Variants in CNDP1 observed in about 807,000 individuals in gnomAD.
CNDP1 encodes the protein beta-Ala-His dipeptidase.
CNDP1 carries 44 observed loss-of-function variants against 58.1 expected under a neutral mutation model. The ratio of observed to expected loss-of-function variants is 0.76; its 90% CI spans 0.60 to 0.97. The LOEUF (loss-of-function observed/expected upper bound fraction) is 0.97. Among genes scored for constraint, CNDP1 ranks in the 50% least tolerant of loss-of-function variants. The pLI, the probability that CNDP1 is intolerant of heterozygous loss-of-function variation, is 0.00. For synonymous variants in CNDP1, 254 were observed against 252.6 expected (o/e 1.01, Z -0.05); for missense variants, 616 against 655.1 (o/e 0.94, Z 0.65).
At chr18:74,561,970 A>G (rs1981210791) in intron 4 of CNDP1, 77 bp from the exon 5 acceptor site, 1 of 1,220,864 alleles carries the variant, frequency 8.2e-7, no homozygotes, top group African/African-American at 1.5e-5. Context: ...ATCAGTACCC[A>G]TGAAACGACA....
At chr18:74,567,837 C>A (rs1981370544) in intron 6 of CNDP1, among the ~76,000 whole-genome samples, 1 of 152,178 alleles carries the variant, frequency 6.6e-6, no homozygotes, top group African/African-American at 2.4e-5. Flanking sequence ...TGGCAGGAGA[C>A]CCCAGTGCCG....
Position 74,553,548 on chromosome 18 carries a change from C to T in CNDP1, c.25-2790C>T, listed in dbSNP as rs545738182. Among the ~76,000 whole-genome samples, 12 of 152,252 alleles carry T rather than the reference C, an allele frequency of 7.9e-5. 1 individual carries two copies. In the South Asian group the frequency reaches 1.7e-3, roughly 21 times the overall value. ...CCCCATTGAATGATCTCCGCACCCT[C>T]GATGAAAATCAGTTGATCATAAATG... On this transcript the variant is annotated intron_variant, in intron 1 of 11. Transcript: ENST00000358821.
chr18:74,542,717 G>A (rs1980656910), intron 1 of CNDP1, among the ~76,000 whole-genome samples: 1 of 152,226 alleles, frequency 6.6e-6, no homozygotes, highest in Non-Finnish European at 1.5e-5. Context: ...TTTCGCTTAT[G>A]TAGAGACAGA....
intron 1 of CNDP1, 78 bp from the exon 2 acceptor site, chr18:74,556,260 C>A: frequency 6.5e-7 from 1 of 1,526,742 alleles, no homozygotes; most frequent in Non-Finnish European, 8.9e-7. Context: ...AACAGACCTT[C>A]TTGAGGAATT....
intron 9 of CNDP1, among the ~76,000 whole-genome samples, chr18:74,579,659 G>A (rs2144578750): frequency 6.6e-6 from 1 of 152,336 alleles, no homozygotes; most frequent in South Asian, 2.1e-4. Context: ...CTCCATAGTT[G>A]AGCCTGGAGT....
At chr18:74,538,598 T>G (rs2144637042) in intron 1 of CNDP1, among the ~76,000 whole-genome samples, 1 of 152,308 alleles carries the variant, frequency 6.6e-6, no homozygotes, top group South Asian at 2.1e-4. Context: ...TGGATCAGTG[T>G]CTGAGGAACT....
chr18:74,549,174 A>G (rs1292518674), intron 1 of CNDP1, among the ~76,000 whole-genome samples: 1 of 152,224 alleles, frequency 6.6e-6, no homozygotes, highest in Non-Finnish European at 1.5e-5. Flanking sequence ...CTTTGGAAAC[A>G]ACAGACATCA....
intron 1 of CNDP1, among the ~76,000 whole-genome samples, chr18:74,551,418 A>G (rs1980907194): frequency 6.6e-6 from 1 of 151,994 alleles, no homozygotes; most frequent in Admixed American, 6.6e-5. Flanking sequence ...GCATGGAGGA[A>G]CAGGAGAAAA....
chr18:74,560,369 G>T (rs1981158228), intron 3 of CNDP1, among the ~76,000 whole-genome samples: 1 of 152,118 alleles, frequency 6.6e-6, no homozygotes, highest in Non-Finnish European at 1.5e-5. Flanking sequence ...TGTCAGTGTG[G>T]ATCTAAAGAA....
intron 2 of CNDP1, among the ~76,000 whole-genome samples, chr18:74,558,605 A>G (rs1981104740): frequency 6.6e-6 from 1 of 152,004 alleles, no homozygotes; most frequent in Admixed American, 6.5e-5. Flanking sequence ...CACGTTAGCC[A>G]GGATGGTCTG....
intron 9 of CNDP1, among the ~76,000 whole-genome samples, chr18:74,578,640 C>T (rs1004365171): frequency 1.3e-5 from 2 of 152,050 alleles, no homozygotes; most frequent in African/African-American, 2.4e-5. Context: ...AAAAAACAAA[C>T]AAAAAGAATC....
At chr18:74,562,006 G>A (rs1349761144) in intron 4 of CNDP1, 41 bp from the exon 5 acceptor site, 2 of 1,527,830 alleles carry the variant, frequency 1.3e-6, no homozygotes, top group South Asian at 1.1e-5. Flanking sequence ...CATGGCAGAG[G>A]TGTCCACACT....
chr18:74,560,035 A>G (rs1009657419), intron 3 of CNDP1, among the ~76,000 whole-genome samples: 50 of 117,074 alleles, frequency 4.3e-4, no homozygotes, highest in Non-Finnish European at 5.3e-4. Context: ...TTTGAGACAG[A>G]GTCTTGCTCT....
intron 4 of CNDP1, 44 bp from the exon 5 acceptor site, chr18:74,562,003 G>C (rs529290100): frequency 1.3e-6 from 2 of 1,528,164 alleles, no homozygotes; most frequent in Non-Finnish European, 1.8e-6. Flanking sequence ...TCACATGGCA[G>C]AGGTGTCCAC....
chr18:74,582,257 C>T (rs1017681443), intron 10 of CNDP1, among the ~76,000 whole-genome samples: 26 of 152,170 alleles, frequency 1.7e-4, no homozygotes, highest in Admixed American at 4.6e-4. Context: ...CACATCACTT[C>T]GATTCACGTC....
At chr18:74,543,296 C>A (rs1363463605) in intron 1 of CNDP1, among the ~76,000 whole-genome samples, 1 of 152,034 alleles carries the variant, frequency 6.6e-6, no homozygotes, top group African/African-American at 2.4e-5. Context: ...TTGAGACCAG[C>A]CTGGGCAATA....
Position 74,535,580 on chromosome 18 carries a change from C to CTTTTTTTTTTTTTTTT in CNDP1, c.24+903_24+904insTTTTTTTTTTTTTTTT, listed in dbSNP as rs10685765. The stretch of plus-strand genomic sequence containing the variant: ...GTCTGGCCATGCTTTCCATTGCTGA[C>CTTTTTTTTTTTTTTTT]TTTTTTTTTTTTTTAAAGAACCCAT... On this transcript the variant is annotated intron_variant, in intron 1 of 11. Transcript: ENST00000358821. 2.1e-3 allele frequency among the ~76,000 whole-genome samples: 225 copies of CTTTTTTTTTTTTTTTT among 106,348 alleles called. 16 individuals carry two copies. Among genetic ancestry groups the CTTTTTTTTTTTTTTTT allele is most frequent in the East Asian group, 9.0e-3 (26 of 2,876 alleles). The allele number at this position is 106,348 out of a possible 152,430, so 69.8% of individuals were successfully genotyped here. A position where few individuals can be genotyped will look rare whatever the true frequency, so the allele number is the denominator to read the frequency against.
At chr18:74,552,789 T>C (rs1487942704) in intron 1 of CNDP1, among the ~76,000 whole-genome samples, 2 of 152,244 alleles carry the variant, frequency 1.3e-5, no homozygotes, top group Non-Finnish European at 2.9e-5. Context: ...TTGTCTTGGA[T>C]ATGTACTCAG....
intron 10 of CNDP1, among the ~76,000 whole-genome samples, chr18:74,581,694 C>A (rs532472747): frequency 2.6e-5 from 4 of 152,286 alleles, no homozygotes; most frequent in African/African-American, 7.2e-5. Context: ...GAGCAGAGGG[C>A]GTGTACTTGG....
Sources: gnomAD v4.1 joint callset for allele counts (sites outside exome capture counted in the v4.1 genomes callset) on GRCh38, gnomAD v4.1.1 for gene constraint, MANE v1.5 for transcripts, NCBI Gene and HGNC (gene_info 2026-07-23, HGNC 2026-07-21) for gene names.